The following CDH13 variants were observed in gnomAD, a reference collection of about 807,000 sequenced individuals.
CDH13 encodes cadherin 13.
CDH13 carries 24 observed loss-of-function variants against 63.8 expected under a neutral mutation model. The ratio of observed to expected loss-of-function variants is 0.38; its 90% confidence interval spans 0.27 to 0.53. The LOEUF (loss-of-function observed/expected upper bound fraction) is 0.53, where lower values mean the gene tolerates loss of function less well. CDH13 is among the 20% of genes least tolerant of loss of function. The pLI is 0.85. For synonymous variants in CDH13, 503 were observed against 355.3 expected (o/e 1.42, Z -4.67); for missense variants, 1,049 against 903.1 (o/e 1.16, Z -2.07).
chr16:82,718,504 CAG>C (rs535069922), intron 1 of CDH13, among the ~76,000 whole-genome samples: 147 of 152,280 alleles, frequency 9.7e-4, no homozygotes, highest in African/African-American at 3.4e-3. Context: ...AGGAAGGAAA[CAG>C]AAAGTGCCAA....
At chr16:83,368,448 T>C (rs1018337330) in intron 6 of CDH13, among the ~76,000 whole-genome samples, 5 of 152,232 alleles carry the variant, frequency 3.3e-5, no homozygotes, top group African/African-American at 1.2e-4. Flanking sequence ...ATTTGAGCCA[T>C]GATTGAATTA....
rs552086204 is a variant in CDH13 at position 83,226,272 on chromosome 16, A to C, written c.636+8775A>C. 2.0e-5 allele frequency among the ~76,000 whole-genome samples: 3 copies of C among 152,332 alleles called. No individual in the cohort carries two copies. The South Asian group carries it at 6.2e-4, about 32-fold the overall frequency. On this transcript the variant is annotated intron_variant, in intron 5 of 13. Coordinates refer to ENST00000567109, the MANE Select transcript of CDH13 (RefSeq NM_001257.5). ...ATGAAGAGGTTAAACGACCTTGTGG[A>C]GGCAGCTACATACCTGGATTAGACT...
intron 10 of CDH13, among the ~76,000 whole-genome samples, chr16:83,719,400 A>G (rs1036183936): frequency 6.6e-6 from 1 of 152,100 alleles, no homozygotes; most frequent in Non-Finnish European, 1.5e-5. Context: ...AGAGGGCGAC[A>G]TGGGGAGGTT....
intron 10 of CDH13, among the ~76,000 whole-genome samples, chr16:83,710,808 A>T (rs1417619917): frequency 1.3e-5 from 2 of 152,150 alleles, no homozygotes; most frequent in African/African-American, 4.8e-5. Context: ...TATGCTTGTT[A>T]TTCGGAACGG....
At chr16:83,005,396 G>A (rs1180720761) in intron 2 of CDH13, among the ~76,000 whole-genome samples, 2 of 152,006 alleles carry the variant, frequency 1.3e-5, no homozygotes, top group Admixed American at 1.3e-4. Context: ...GTAACCTGTG[G>A]GCATACTAAA....
intron 4 of CDH13, among the ~76,000 whole-genome samples, chr16:83,179,337 A>G (rs1192043151): frequency 6.6e-6 from 1 of 151,996 alleles, no homozygotes; most frequent in Non-Finnish European, 1.5e-5. Flanking sequence ...TAACAGGACC[A>G]TGATTTTACT....
intron 4 of CDH13, among the ~76,000 whole-genome samples, chr16:83,209,862 G>T (rs72802221): frequency 6.6e-6 from 1 of 152,128 alleles, no homozygotes; most frequent in Non-Finnish European, 1.5e-5. Context: ...AGTAATCGCC[G>T]GCACCAAGTC....
At chr16:83,030,660 A>AAAAAAAC (rs1567760882) in intron 2 of CDH13, among the ~76,000 whole-genome samples, 1 of 150,936 alleles carries the variant, frequency 6.6e-6, no homozygotes, top group Non-Finnish European at 1.5e-5. Context: ...AAAAAAAAAA[A>AAAAAAAC]AAAGCACCCT....
intron 1 of CDH13, among the ~76,000 whole-genome samples, chr16:82,801,300 G>C (rs541201717): frequency 6.6e-6 from 1 of 152,148 alleles, no homozygotes; most frequent in Non-Finnish European, 1.5e-5. Flanking sequence ...GTGATTCCAC[G>C]AATCATTGTC....
intron 5 of CDH13, among the ~76,000 whole-genome samples, chr16:83,252,229 A>AT (rs1905656329): frequency 7.0e-6 from 1 of 143,096 alleles, no homozygotes; most frequent in Non-Finnish European, 1.5e-5. Flanking sequence ...TTTGACTGGC[A>AT]TTTTTTAGAT....
chr16:83,688,342 G>T (rs953775708), intron 10 of CDH13, among the ~76,000 whole-genome samples: 6 of 152,172 alleles, frequency 3.9e-5, no homozygotes, highest in Admixed American at 2.0e-4. Flanking sequence ...AAACACAGGG[G>T]TTCAAAAATA....
At chr16:83,288,278 TG>T (rs1214142456) in intron 5 of CDH13, among the ~76,000 whole-genome samples, 1 of 152,192 alleles carries the variant, frequency 6.6e-6, no homozygotes, top group Non-Finnish European at 1.5e-5. Flanking sequence ...TGTGAGCCAT[TG>T]TGTTGCACCA....
intron 6 of CDH13, among the ~76,000 whole-genome samples, chr16:83,355,896 AT>A (rs1432077038): frequency 2.0e-5 from 3 of 152,154 alleles, no homozygotes; most frequent in African/African-American, 7.2e-5. Flanking sequence ...TAGCACTATT[AT>A]GTACTGGATA....
chr16:82,861,848 CA>C (rs1223552421), intron 2 of CDH13, among the ~76,000 whole-genome samples: 1 of 152,162 alleles, frequency 6.6e-6, no homozygotes, highest in Non-Finnish European at 1.5e-5. Context: ...CTAACGTAAC[CA>C]GTGGGCTCTT....
intron 4 of CDH13, chr16:83,171,623 G>A: frequency 4.9e-6 from 7 of 1,420,136 alleles, no homozygotes; most frequent in Non-Finnish European, 5.8e-6. Flanking sequence ...TTCCTTGTTT[G>A]TGTCTCCAAT....
At chr16:83,270,217 A>G (rs1014664659) in intron 5 of CDH13, among the ~76,000 whole-genome samples, 2 of 152,206 alleles carry the variant, frequency 1.3e-5, no homozygotes, top group Admixed American at 6.5e-5. Context: ...TTAAAACAGT[A>G]TAACACGAGT....
chr16:83,103,650 C>A (rs1388781078), intron 3 of CDH13, among the ~76,000 whole-genome samples: 1 of 152,192 alleles, frequency 6.6e-6, no homozygotes, highest in Non-Finnish European at 1.5e-5. Context: ...ATGCTGGCTT[C>A]TCTAACTTAC....
At chr16:83,744,570 G>A (rs116266001) in intron 10 of CDH13, among the ~76,000 whole-genome samples, 3,386 of 152,276 alleles carry the variant, frequency 0.022, 114 homozygotes, top group African/African-American at 0.074. Context: ...TGTTCCCCTA[G>A]GCTCTGCTGA....
At chr16:83,142,328 GTT>G (rs1488228932) in intron 4 of CDH13, among the ~76,000 whole-genome samples, 3 of 151,896 alleles carry the variant, frequency 2.0e-5, no homozygotes, top group African/African-American at 7.3e-5. Context: ...ACCTGGCTAA[GTT>G]TTTTATTTTT....
Sources: allele counts gnomAD v4.1 joint callset (sites outside exome capture counted in the v4.1 genomes callset), GRCh38; gene constraint gnomAD v4.1.1; transcripts MANE v1.5; gene names NCBI Gene and HGNC (gene_info 2026-07-23, HGNC 2026-07-21).